Variants in SLC9A9 observed in about 807,000 individuals in gnomAD.
SLC9A9 encodes solute carrier family 9 member A9.
SLC9A9 carries 62 observed loss-of-function variants against 77.8 expected under a neutral mutation model. The observed-to-expected ratio is 0.80, with a 90% CI of 0.65 to 0.98. SLC9A9 has a LOEUF of 0.98. SLC9A9 is among the 50% of genes least tolerant of loss of function. The probability of loss-of-function intolerance (pLI) is 0.00; values close to 1 mark genes in which losing one functional copy is unlikely to be tolerated. For missense variants in SLC9A9, 775 were observed against 774.9 expected, an observed-to-expected ratio of 1.00 and a Z score of 0.00; for synonymous variants, 320 against 283.5, an observed-to-expected ratio of 1.13 and a Z score of -1.29.
chr3:143,729,198 A>G (rs917268849), intron 4 of SLC9A9, among the ~76,000 whole-genome samples: 2 of 152,142 alleles, frequency 1.3e-5, no homozygotes, highest in Non-Finnish European at 2.9e-5. Flanking sequence ...TTTGCCCCCA[A>G]GTCTAAGTTA....
intron 4 of SLC9A9, among the ~76,000 whole-genome samples, chr3:143,781,734 G>C (rs1211519688): frequency 6.6e-6 from 1 of 152,176 alleles, no homozygotes; most frequent in Non-Finnish European, 1.5e-5. Flanking sequence ...TGGCCTTCAA[G>C]ATTACAATTG....
intron 14 of SLC9A9, among the ~76,000 whole-genome samples, chr3:143,344,028 G>T (rs2032187786): frequency 6.6e-6 from 1 of 152,166 alleles, no homozygotes; most frequent in Admixed American, 6.5e-5. Flanking sequence ...GCAGGGAGAA[G>T]AATCATGTAA....
At chr3:143,659,458 T>C (rs901540982) in intron 5 of SLC9A9, among the ~76,000 whole-genome samples, 2 of 152,236 alleles carry the variant, frequency 1.3e-5, no homozygotes, top group African/African-American at 4.8e-5. Flanking sequence ...GCAGATATCT[T>C]GTACCATCAC....
chr3:143,407,729 T>C (rs924850876), intron 12 of SLC9A9, among the ~76,000 whole-genome samples: 1 of 152,176 alleles, frequency 6.6e-6, no homozygotes, highest in Non-Finnish European at 1.5e-5. Flanking sequence ...CATGGAAAAG[T>C]GATGGTCAGG....
chr3:143,536,419 C>T (rs977797525), intron 9 of SLC9A9, among the ~76,000 whole-genome samples: 1 of 152,204 alleles, frequency 6.6e-6, no homozygotes, highest in Non-Finnish European at 1.5e-5. Context: ...CACTAACTGG[C>T]ACCTATTAGT....
chr3:143,678,926 GA>G (rs1249868811), intron 5 of SLC9A9, among the ~76,000 whole-genome samples: 2 of 151,858 alleles, frequency 1.3e-5, no homozygotes, highest in African/African-American at 4.8e-5. Context: ...CAATGATGAA[GA>G]AAGTATATAG....
At chr3:143,742,859 C>A (rs1227106025) in intron 4 of SLC9A9, among the ~76,000 whole-genome samples, 1 of 151,994 alleles carries the variant, frequency 6.6e-6, no homozygotes, top group Admixed American at 6.6e-5. Flanking sequence ...GTAATGGAAA[C>A]TCTTTGTACT....
chr3:143,323,852 A>G (rs934943075), intron 14 of SLC9A9, among the ~76,000 whole-genome samples: 2 of 152,230 alleles, frequency 1.3e-5, no homozygotes, highest in Non-Finnish European at 2.9e-5. Context: ...CTCCATTTAT[A>G]ATACATATGC....
chr3:143,369,663 A>T (rs2032997833), intron 13 of SLC9A9, among the ~76,000 whole-genome samples: 2 of 152,144 alleles, frequency 1.3e-5, no homozygotes, highest in Non-Finnish European at 2.9e-5. Context: ...TTAAAAAAAA[A>T]TCTCTTTGAA....
chr3:143,324,235 T>A (rs1700980674), intron 14 of SLC9A9, among the ~76,000 whole-genome samples: 6 of 152,090 alleles, frequency 3.9e-5, no homozygotes, highest in Admixed American at 3.9e-4. Flanking sequence ...GTGGGGTCAT[T>A]GCAATGTTCC....
At chr3:143,701,074 C>T (rs919282493) in intron 4 of SLC9A9, among the ~76,000 whole-genome samples, 6 of 152,354 alleles carry the variant, frequency 3.9e-5, no homozygotes, top group Admixed American at 1.3e-4. Context: ...CTCTTCGAGT[C>T]TGCAAGAACC....
intron 12 of SLC9A9, among the ~76,000 whole-genome samples, chr3:143,449,548 AATAATTATATAAAATATAATTATAATTAT>A (rs2034931465): frequency 2.2e-5 from 1 of 45,002 alleles, no homozygotes; most frequent in African/African-American, 1.2e-4. Flanking sequence ...AATTATATAA[AATAATTATATAAAATATAATTATAATTAT>A]ATAATTATAT....
At chr3:143,314,402 G>A (rs2031131223) in intron 14 of SLC9A9, 1 of 152,274 alleles carries the variant, frequency 6.6e-6, no homozygotes, top group African/African-American at 2.4e-5. Context: ...CTGGCAGACA[G>A]AGCCATACCG....
chr3:143,368,930 C>T (rs976989145), intron 13 of SLC9A9, among the ~76,000 whole-genome samples: 4 of 152,126 alleles, frequency 2.6e-5, no homozygotes, highest in Non-Finnish European at 4.4e-5. Flanking sequence ...TTCTTAGCCT[C>T]TGCATAGAAA....
At chr3:143,269,056 T>C in intron 14 of SLC9A9, 76 bp from the exon 15 acceptor site, 1 of 1,100,676 alleles carries the variant, frequency 9.1e-7, no homozygotes, top group East Asian at 2.4e-5. Context: ...AACCTTTGTA[T>C]GCTGAGACAG....
chr3:143,651,689 A>G (rs1226501554), intron 6 of SLC9A9, among the ~76,000 whole-genome samples: 2 of 152,204 alleles, frequency 1.3e-5, no homozygotes, highest in Admixed American at 6.5e-5. Flanking sequence ...ACTGGCTCTC[A>G]TCCCCCCACC....
chr3:143,474,954 C>T (rs1339306351), intron 11 of SLC9A9, among the ~76,000 whole-genome samples: 1 of 96,492 alleles, frequency 1.0e-5, no homozygotes, highest in Non-Finnish European at 1.9e-5. Context: ...CTCACCTTCA[C>T]CCAGGTTTTT....
Position 143,796,882 on chromosome 3 carries a change from A to C in SLC9A9, c.400T>G (p.Phe134Val), listed in dbSNP as rs776460468. 1.2e-6 allele frequency: 2 copies of C among 1,612,562 alleles called. No homozygotes were observed. Among genetic ancestry groups the C allele is most frequent in the South Asian group, 2.2e-5 (2 of 90,982 alleles). ...LEKMTFDPEI[F>V]FNVLLPPIIF... ...ATTGGTGGCAGTAAAACATTGAAGAAGATTTCTGGATCAAATGTCATCTGC... is the reference window on the plus strand; with the variant it reads ...ATTGGTGGCAGTAAAACATTGAAGACGATTTCTGGATCAAATGTCATCTGC... The change falls in exon 3 of 16, where the codon TTC becomes GTC. Residue 134 changes from phenylalanine to valine, a missense_variant. Transcript: ENST00000316549.
chr3:143,666,513 G>A (rs1488164309), intron 5 of SLC9A9, among the ~76,000 whole-genome samples: 1 of 152,074 alleles, frequency 6.6e-6, no homozygotes, highest in Non-Finnish European at 1.5e-5. Context: ...AGAAATAAAG[G>A]GTATTCAATT....
Sources: allele counts gnomAD v4.1 joint callset (sites outside exome capture counted in the v4.1 genomes callset), GRCh38; gene constraint gnomAD v4.1.1; transcripts MANE v1.5; gene names NCBI Gene and HGNC (gene_info 2026-07-23, HGNC 2026-07-21).